The following ESCO1 variants were observed in gnomAD, a reference collection of about 807,000 sequenced individuals.
The protein encoded by ESCO1 is establishment of sister chromatid cohesion N-acetyltransferase 1.
A neutral mutation model predicts 83.5 loss-of-function variants in ESCO1; 33 were observed. The ratio of observed to expected loss-of-function variants is 0.40; its 90% CI spans 0.30 to 0.53. The LOEUF (loss-of-function observed/expected upper bound fraction) is 0.53, where lower values mean the gene tolerates loss of function less well. Ranked by LOEUF, ESCO1 falls within the 20% of genes least tolerant of loss-of-function variation. ESCO1 has a pLI of 0.63. For synonymous variants in ESCO1, 332 were observed against 324.3 expected (o/e 1.02, Z -0.25); for missense variants, 855 against 968.0 (o/e 0.88, Z 1.55).
chr18:21,530,749 G>A (rs1382465654), intron 11 of ESCO1, among the ~76,000 whole-genome samples: 2 of 152,022 alleles, frequency 1.3e-5, no homozygotes, highest in Non-Finnish European at 2.9e-5. Context: ...TCAACTAAGA[G>A]TAGAAATATT....
chr18:21,568,022 G>A lies in ESCO1; in HGVS notation c.1603C>T (p.Leu535Phe), dbSNP rs551117181. Reference protein sequence around the residue: ...VENVTAASTLLSQAKIDTGEN... With the variant: ...VENVTAASTLFSQAKIDTGEN... ...CCTGTATCAATTTTTGCTTGACTGA[G>A]CAGAGTCGAAGCAGCAGTAACATTT... The change falls in exon 5 of 12, where the codon CTC becomes TTC. Residue 535 changes from leucine (L) to phenylalanine (F), a missense_variant. By Grantham distance (22) the Leu-to-Phe change is conservative (BLOSUM62 0). This residue lies in a region of ESCO1 where 726 missense variants were observed against 699.5 expected (regional missense o/e 1.04). Coordinates refer to ENST00000269214, the MANE Select transcript of ESCO1 (RefSeq NM_052911.3). 2.3e-5 allele frequency: 37 copies of A among 1,613,642 alleles called. 1 individual carries two copies. In the South Asian group the frequency reaches 3.5e-4, roughly 15 times the overall value.
chr18:21,549,297 G>A (rs2038014557), intron 8 of ESCO1, among the ~76,000 whole-genome samples: 1 of 152,150 alleles, frequency 6.6e-6, no homozygotes, highest in Non-Finnish European at 1.5e-5. Flanking sequence ...TTACAACTGT[G>A]AAGCACAAGA....
In ESCO1 at chr18:21,574,331, A is replaced by G. The variant is rs2038387930; in HGVS notation, c.513T>C (p.Ser171=). The change falls in exon 4 of 12, where the codon AGT becomes AGC. Residue 171 remains serine (S), a synonymous_variant. Coordinates refer to ENST00000269214, the MANE Select transcript of ESCO1 (RefSeq NM_052911.3). The part of the protein sequence containing the change: ...SSTQSKSNKT[S]QKHVKRKVLE... ...GTACTTTTCTCTTCACATGTTTTTG[A>G]CTTGTTTTATTAGATTTACTCTGAG... The G allele has an allele frequency of 6.2e-7, 1 of 1,613,204 alleles. No individual in the cohort carries two copies. Among genetic ancestry groups the G allele is most frequent in the African/African-American group, 1.3e-5 (1 of 74,710 alleles).
chr18:21,598,343 A>G (rs2146243264), intron 1 of ESCO1, among the ~76,000 whole-genome samples: 1 of 152,348 alleles, frequency 6.6e-6, no homozygotes, highest in South Asian at 2.1e-4. Context: ...GTACTTTTTT[A>G]GTTATTCTGT....
At chr18:21,540,764 GGTTAAA>G in intron 8 of ESCO1, 1 of 1,164,706 alleles carries the variant, frequency 8.6e-7, no homozygotes, top group South Asian at 1.8e-5. Flanking sequence ...CTGAACCAGA[GGTTAAA>G]ACTAGGAGCT....
intron 1 of ESCO1, among the ~76,000 whole-genome samples, chr18:21,589,235 T>A (rs1394265930): frequency 2.7e-5 from 4 of 147,308 alleles, no homozygotes; most frequent in Admixed American, 2.0e-4. Flanking sequence ...CAAGACTCCG[T>A]CTCAAAAAAA....
At position 21,575,701 on chromosome 18, in the gene ESCO1, T is replaced by C. The variant is rs1268753189; in HGVS notation, c.-617A>G. ...TTTGCCCCAAAATATAGACTCGATG[T>C]CTCAGCCACCATAACTCATGAAGAA... On this transcript the variant is annotated 5_prime_UTR_variant, in exon 3 of 12. Transcript: ENST00000269214. The C allele has an allele frequency of 2.5e-6, 1 of 398,302 alleles. No homozygotes were observed. Among genetic ancestry groups the C allele is most frequent in the Non-Finnish European group, 4.4e-6 (1 of 225,954 alleles). The allele number at this position is 398,302 out of a possible 1,614,324, so 24.7% of individuals were successfully genotyped here. A position where few individuals can be genotyped will look rare whatever the true frequency, so the allele number is the denominator to read the frequency against.
In ESCO1 at chr18:21,536,286, C is replaced by A. The variant is rs538070159; in HGVS notation, c.2044-101G>T. 3.2e-5 allele frequency: 42 copies of A among 1,329,186 alleles called. No individual in the cohort carries two copies. In the African/African-American group the frequency reaches 6.2e-4, roughly 20 times the overall value. The allele number at this position is 1,329,186 out of a possible 1,614,324, so 82.3% of individuals were successfully genotyped here. A position where few individuals can be genotyped will look rare whatever the true frequency, so the allele number is the denominator to read the frequency against. On this transcript the variant is annotated intron_variant, in intron 9 of 11. Coordinates refer to ENST00000269214, the MANE Select transcript of ESCO1 (RefSeq NM_052911.3). ...TAGATCAACTTTATTCCAAGCAGGG[C>A]ATCCTCTAAAGAGTTCTTTTGGGCT...
chr18:21,532,968 A>G (rs1231796165), intron 10 of ESCO1, among the ~76,000 whole-genome samples: 4 of 152,164 alleles, frequency 2.6e-5, no homozygotes, highest in African/African-American at 9.7e-5. Context: ...TGCCATCATG[A>G]GGAGCCCCCC....
rs148917527 is a variant in ESCO1 at position 21,573,324 on chromosome 18, G to A, written c.1520C>T (p.Ala507Val). ...ATAAAAACAGATTACCTTATTTGAT[G>A]CTGAATCAAAAGAATGTTTCATCTG... The part of the protein sequence containing the change: ...DNQMKHSFDS[A>V]SNKNFSQCLE... Residue 507 changes from alanine to valine, a missense_variant, in exon 4 of 12, where the codon GCA becomes GTA. Physicochemically the swap from Ala to Val is moderately conservative, Grantham distance 64. Coordinates refer to ENST00000269214, the MANE Select transcript of ESCO1 (RefSeq NM_052911.3). 6.4e-6 allele frequency: 10 copies of A among 1,571,048 alleles called. No homozygotes were observed. The Admixed American group carries it at 1.0e-4, about 16-fold the overall frequency.
chr18:21,579,456 C>T (rs2038463242), intron 2 of ESCO1, among the ~76,000 whole-genome samples: 1 of 151,092 alleles, frequency 6.6e-6, no homozygotes, highest in South Asian at 2.1e-4. Flanking sequence ...AGCAAGACCC[C>T]ATCTCTTTAA....
rs763524388 is a variant in ESCO1 at position 21,566,201 on chromosome 18, C to G, written c.1651G>C (p.Ala551Pro). ...CTGAGAATACTATGCTGTTGGGGAGCTGAACCTGTAATTTAATCAAGAAGG... is the reference window on the plus strand; with the variant it reads ...CTGAGAATACTATGCTGTTGGGGAGGTGAACCTGTAATTTAATCAAGAAGG... ...DTGENKFPGS[A>P]PQQHSILSNQ... The change falls in exon 6 of 12, where the codon GCT becomes CCT. Residue 551 changes from alanine to proline, a missense_variant. Transcript: ENST00000269214. The G allele has an allele frequency of 1.9e-6, 3 of 1,612,254 alleles. No individual in the cohort carries two copies. Among genetic ancestry groups the G allele is most frequent in the African/African-American group, 1.3e-5 (1 of 74,814 alleles).
intron 1 of ESCO1, among the ~76,000 whole-genome samples, chr18:21,597,769 G>A (rs1050699789): frequency 2.0e-5 from 3 of 152,206 alleles, no homozygotes; most frequent in South Asian, 2.1e-4. Context: ...AATCTTACAC[G>A]TGCTGCCATA....
chr18:21,578,688 G>A (rs953679047), intron 2 of ESCO1, among the ~76,000 whole-genome samples: 24 of 150,664 alleles, frequency 1.6e-4, no homozygotes, highest in Admixed American at 6.6e-4. Flanking sequence ...GATCTACCAC[G>A]AAAAAAAAGA....
chr18:21,568,600 AGATT>A (rs2038295231), intron 4 of ESCO1, among the ~76,000 whole-genome samples: 1 of 152,194 alleles, frequency 6.6e-6, no homozygotes, highest in Admixed American at 6.5e-5. Context: ...AAATCACACC[AGATT>A]TTGAACTTAA....
At chr18:21,567,456 C>A (rs1022214310) in intron 5 of ESCO1, among the ~76,000 whole-genome samples, 2 of 151,642 alleles carry the variant, frequency 1.3e-5, no homozygotes, top group East Asian at 1.9e-4. Context: ...TGAGCCACCA[C>A]GACCGGCCCA....
chr18:21,534,739 T>C (rs1054183463), intron 10 of ESCO1, among the ~76,000 whole-genome samples: 2 of 151,732 alleles, frequency 1.3e-5, no homozygotes, highest in African/African-American at 4.8e-5. Context: ...GCAATTCTCC[T>C]GCCTCAGCCT....
At chr18:21,555,984 G>C (rs2038107593) in intron 8 of ESCO1, among the ~76,000 whole-genome samples, 1 of 152,160 alleles carries the variant, frequency 6.6e-6, no homozygotes, top group African/African-American at 2.4e-5. Context: ...GGTGGGCGCA[G>C]TGGATCACAC....
In ESCO1 at chr18:21,572,569, C is replaced by T. The variant is rs182148625; in HGVS notation, c.1530+745G>A. Among the ~76,000 whole-genome samples the T allele has an allele frequency of 1.4e-3, 213 of 152,226 alleles. 2 individuals carry two copies. The highest frequency in any genetic ancestry group is 3.8e-4 in the Non-Finnish European group (26 of 68,022). On this transcript the variant is annotated intron_variant, in intron 4 of 11. Coordinates refer to ENST00000269214, the MANE Select transcript of ESCO1 (RefSeq NM_052911.3). The stretch of plus-strand genomic sequence containing the variant: ...ACTTGCCAACTATTCAAAATGGCCA[C>T]AAAGGTCATCTCCTTAAAAATGTTT...
Sources: gnomAD v4.1 joint callset for allele counts (sites outside exome capture counted in the v4.1 genomes callset) on GRCh38, gnomAD v4.1.1 for gene constraint, gnomAD v4.1.1 regional missense constraint, MANE v1.5 for transcripts, NCBI Gene and HGNC (gene_info 2026-07-23, HGNC 2026-07-21) for gene names.